The following OSBP2 variants were observed in gnomAD, a reference collection of about 807,000 sequenced individuals.
OSBP2 encodes oxysterol binding protein 2.
Under a neutral mutation model 96.0 loss-of-function variants are expected in OSBP2, and 66 were observed. The observed-to-expected ratio is 0.69, with a 90% CI of 0.56 to 0.84. The LOEUF is 0.84. Among genes scored for constraint, OSBP2 ranks in the 40% least tolerant of loss-of-function variants. The probability of loss-of-function intolerance (pLI) is 0.00; values close to 1 mark genes in which losing one functional copy is unlikely to be tolerated. For missense variants in OSBP2, 1,038 were observed against 1,222.7 expected (o/e 0.85, Z 2.25); for synonymous variants, 525 against 520.9 (o/e 1.01, Z -0.11).
chr22:30,738,105 T>C (rs891512800), intron 1 of OSBP2, among the ~76,000 whole-genome samples: 12 of 151,484 alleles, frequency 7.9e-5, no homozygotes, highest in Non-Finnish European at 1.2e-4. Context: ...TCCAGAAATA[T>C]GCTTACCCAC....
intron 6 of OSBP2, 110 bp from the exon 7 acceptor site, chr22:30,889,380 T>TA (rs1293009904): frequency 6.9e-7 from 1 of 1,451,406 alleles, no homozygotes; most frequent in African/African-American, 1.4e-5. Context: ...ACCAGCAGCG[T>TA]ACCAGTGGCC....
chr22:30,713,401 TTTC>T (rs1421830493), intron 1 of OSBP2, among the ~76,000 whole-genome samples: 1 of 152,020 alleles, frequency 6.6e-6, no homozygotes, highest in Non-Finnish European at 1.5e-5. Flanking sequence ...TTATGATTTT[TTTC>T]TTTTCTTCCT....
rs2039705033 is a variant in OSBP2 at position 30,881,587 on chromosome 22, C to A, written c.1108-5839C>A. The A allele has an allele frequency of 8.4e-7, 1 of 1,194,314 alleles. No individual in the cohort carries two copies. The highest frequency in any genetic ancestry group is 1.3e-5 in the South Asian group (1 of 75,440). 74.0% of individuals were successfully genotyped at this position (1,194,314 alleles called of 1,614,324 possible). The stretch of plus-strand genomic sequence containing the variant: ...AGGCCTGGGCTGGGTCAGCCAGGCC[C>A]TCCCTGGGCCCCTGGGAACCTCCCC... On this transcript the variant is annotated intron_variant, in intron 3 of 13. Transcript: ENST00000332585. The surrounding 1 kb of genome is among the most constrained non-coding windows in gnomAD (Gnocchi z 4.5).
intron 2 of OSBP2, among the ~76,000 whole-genome samples, chr22:30,785,166 T>C (rs563267372): frequency 2.7e-4 from 41 of 152,342 alleles, no homozygotes; most frequent in Admixed American, 1.3e-3. Flanking sequence ...AAATACCTCA[T>C]TGGGATTTTG....
At chr22:30,902,734 A>G in intron 12 of OSBP2, 2 of 472,224 alleles carry the variant, frequency 4.2e-6, no homozygotes, top group African/African-American at 2.0e-5. Context: ...TGCTATCTTC[A>G]GGGGTGCCAG....
At chr22:30,728,517 G>A (rs2089691663) in intron 1 of OSBP2, among the ~76,000 whole-genome samples, 1 of 151,874 alleles carries the variant, frequency 6.6e-6, no homozygotes, top group Admixed American at 6.6e-5. Flanking sequence ...TTTTTGTAGA[G>A]ACAGGGTCTA....
chr22:30,725,073 G>C (rs2089620156), intron 1 of OSBP2, among the ~76,000 whole-genome samples: 1 of 151,898 alleles, frequency 6.6e-6, no homozygotes, highest in Non-Finnish European at 1.5e-5. Context: ...CTACTCGGGA[G>C]GCTGAGGCAG....
intron 2 of OSBP2, among the ~76,000 whole-genome samples, chr22:30,857,028 G>A (rs1450245007): frequency 2.0e-5 from 3 of 152,174 alleles, no homozygotes; most frequent in African/African-American, 7.2e-5. Flanking sequence ...TCCTGAATGT[G>A]GACCTTTCTG....
At chr22:30,891,601 C>T (rs1046801749) in intron 8 of OSBP2, among the ~76,000 whole-genome samples, 4 of 152,100 alleles carry the variant, frequency 2.6e-5, no homozygotes, top group Non-Finnish European at 5.9e-5. Flanking sequence ...TGCAAGGCCC[C>T]GTTAGGAGGT....
intron 12 of OSBP2, among the ~76,000 whole-genome samples, chr22:30,900,143 A>G (rs780373974): frequency 1.3e-5 from 2 of 152,066 alleles, no homozygotes; most frequent in Non-Finnish European, 2.9e-5. Context: ...AATCCCAGCT[A>G]CTTTGGAGGC....
chr22:30,761,132 A>T (rs1046111704), intron 2 of OSBP2, among the ~76,000 whole-genome samples: 8 of 152,196 alleles, frequency 5.3e-5, no homozygotes, highest in Non-Finnish European at 2.9e-5. Flanking sequence ...AAGAAAAAAG[A>T]AGTCAAAGGC....
chr22:30,854,605 G>A (rs548182044), intron 2 of OSBP2, among the ~76,000 whole-genome samples: 49 of 147,146 alleles, frequency 3.3e-4, no homozygotes, highest in Non-Finnish European at 6.1e-4. Flanking sequence ...CAACACACCC[G>A]CCCTATATGG....
chr22:30,713,455 T>A (rs2089392161), intron 1 of OSBP2, among the ~76,000 whole-genome samples: 1 of 132,802 alleles, frequency 7.5e-6, no homozygotes, highest in South Asian at 2.7e-4. Context: ...ATTTTATTTT[T>A]AAAATGTTAT....
At chr22:30,707,673 T>C (rs1392656963) in intron 1 of OSBP2, among the ~76,000 whole-genome samples, 1 of 149,102 alleles carries the variant, frequency 6.7e-6, no homozygotes, top group Non-Finnish European at 1.5e-5. Flanking sequence ...GTCGAGATCA[T>C]GCCACTGCAC....
chr22:30,806,927 G>A (rs1044952006), intron 2 of OSBP2, among the ~76,000 whole-genome samples: 2 of 152,170 alleles, frequency 1.3e-5, no homozygotes, highest in Non-Finnish European at 2.9e-5. Context: ...CCCTTGACTT[G>A]AGTCCTTTCT....
chr22:30,747,865 C>G (rs2090024463), intron 2 of OSBP2, among the ~76,000 whole-genome samples: 1 of 152,144 alleles, frequency 6.6e-6, no homozygotes, highest in South Asian at 2.1e-4. Context: ...TCACTGCCAT[C>G]TACAGTTATT....
intron 3 of OSBP2, among the ~76,000 whole-genome samples, chr22:30,873,430 T>A (rs751553670): frequency 3.9e-5 from 6 of 152,166 alleles, no homozygotes; most frequent in Non-Finnish European, 8.8e-5. Context: ...CTGGTCACCA[T>A]GGCTGCAGCC....
intron 2 of OSBP2, among the ~76,000 whole-genome samples, chr22:30,756,504 C>T (rs2090142295): frequency 6.6e-6 from 1 of 152,120 alleles, no homozygotes; most frequent in Admixed American, 6.5e-5. Flanking sequence ...ACCAGCCTGA[C>T]CAATACGGTG....
At chr22:30,736,330 C>G (rs182100330) in intron 1 of OSBP2, among the ~76,000 whole-genome samples, 12 of 152,288 alleles carry the variant, frequency 7.9e-5, no homozygotes, top group Admixed American at 6.5e-4. Context: ...TCTTCCCTCC[C>G]TCGCTCCCTC....
Sources: gnomAD v4.1 joint callset for allele counts (sites outside exome capture counted in the v4.1 genomes callset) on GRCh38, gnomAD v4.1.1 for gene constraint, Gnocchi (gnomAD v3.1) non-coding constraint, MANE v1.5 for transcripts, NCBI Gene and HGNC (gene_info 2026-07-23, HGNC 2026-07-21) for gene names.